KIF11: variants seen among roughly 807,000 people sequenced by gnomAD.
KIF11 encodes kinesin-like protein KIF11.
KIF11 carries 9 observed loss-of-function variants against 121.0 expected under a neutral mutation model. The ratio of observed to expected loss-of-function variants is 0.07; its 90% CI spans 0.04 to 0.13. The LOEUF (loss-of-function observed/expected upper bound fraction) is 0.13, where lower values mean the gene tolerates loss of function less well. Ranked by LOEUF, KIF11 falls within the 10% of genes least tolerant of loss-of-function variation. The pLI is 1.00. For synonymous variants in KIF11, 408 were observed against 421.0 expected (o/e 0.97, Z 0.38); for missense variants, 846 against 1,217.5 (o/e 0.69, Z 4.54).
At chr10:92,595,333 T>G (rs1216961305) in intron 1 of KIF11, among the ~76,000 whole-genome samples, 5 of 152,176 alleles carry the variant, frequency 3.3e-5, no homozygotes, top group Admixed American at 6.5e-5. Flanking sequence ...GTGCTGGGAT[T>G]ATAGGCGTGA....
At chr10:92,619,207 G>A (rs1055099070) in intron 9 of KIF11, among the ~76,000 whole-genome samples, 3 of 151,980 alleles carry the variant, frequency 2.0e-5, no homozygotes, top group Admixed American at 2.0e-4. Flanking sequence ...TAGTAGAGAC[G>A]GGGTTTCACC....
At chr10:92,603,208 A>G (rs1440194038) in intron 1 of KIF11, among the ~76,000 whole-genome samples, 1 of 150,338 alleles carries the variant, frequency 6.7e-6, no homozygotes, top group Non-Finnish European at 1.5e-5. Flanking sequence ...ATAGCAACCA[A>G]CTATCTTCCA....
rs942442345 is a variant in KIF11 at position 92,593,516 on chromosome 10, G to T, written c.77+64G>T. The T allele has an allele frequency of 3.5e-6, 5 of 1,409,590 alleles. No individual in the cohort carries two copies. The African/African-American group carries it at 7.1e-5, about 20-fold the overall frequency. 87.3% of individuals were successfully genotyped at this position (1,409,590 alleles called of 1,614,324 possible). A position where few individuals can be genotyped will look rare whatever the true frequency, so the allele number is the denominator to read the frequency against. On this transcript the variant is annotated intron_variant, in intron 1 of 21. Transcript: ENST00000260731. ...TCGCTGCTGGGCCCCCTACTGCGCG[G>T]TCCAGGGAGAGGGATTTTATTTGCA...
intron 6 of KIF11, among the ~76,000 whole-genome samples, chr10:92,612,092 A>G (rs1294313940): frequency 6.6e-6 from 1 of 151,636 alleles, no homozygotes; most frequent in Admixed American, 6.6e-5. Context: ...TAAAAAGCAC[A>G]GTATTTGTTT....
At chr10:92,643,555 A>ATTTTTT (rs368633432) in intron 17 of KIF11, among the ~76,000 whole-genome samples, 15 of 123,452 alleles carry the variant, frequency 1.2e-4, no homozygotes, top group African/African-American at 4.9e-4. Context: ...TATCTACTAG[A>ATTTTTT]TTTTTTTTTT....
chr10:92,597,173 G>A (rs952867742), intron 1 of KIF11: 1 of 268,982 alleles, frequency 3.7e-6, no homozygotes. Flanking sequence ...GATGCCAAAG[G>A]ATCTGACAAT....
intron 9 of KIF11, among the ~76,000 whole-genome samples, chr10:92,620,150 G>C (rs138413535): frequency 1.4e-5 from 2 of 146,364 alleles, no homozygotes; most frequent in African/African-American, 5.1e-5. Flanking sequence ...GTGCCATCTC[G>C]GCTCACTGCA....
intron 21 of KIF11, among the ~76,000 whole-genome samples, chr10:92,651,337 C>CT (rs201261980): frequency 1.2e-4 from 18 of 145,848 alleles, no homozygotes; most frequent in East Asian, 2.0e-4. Flanking sequence ...CCTCTACCCA[C>CT]TTTTTTTTTT....
chr10:92,645,244 C>T, intron 17 of KIF11, 119 bp from the exon 18 acceptor site: 4 of 676,742 alleles, frequency 5.9e-6, no homozygotes, highest in Non-Finnish European at 4.9e-6. Flanking sequence ...GATCACGGGC[C>T]CTGGAGCCAG....
chr10:92,596,407 A>T (rs1564701110), intron 1 of KIF11, among the ~76,000 whole-genome samples: 1 of 152,238 alleles, frequency 6.6e-6, no homozygotes, highest in East Asian at 1.9e-4. Flanking sequence ...GGATCATATG[A>T]TAATTCTATT....
At chr10:92,634,794 ACT>A (rs1844779857) in intron 14 of KIF11, among the ~76,000 whole-genome samples, 1 of 152,150 alleles carries the variant, frequency 6.6e-6, no homozygotes, top group African/African-American at 2.4e-5. Context: ...TTGGCAAGTC[ACT>A]CTTTCCCCAG....
At chr10:92,594,761 GT>G (rs1844273405) in intron 1 of KIF11, among the ~76,000 whole-genome samples, 1 of 152,000 alleles carries the variant, frequency 6.6e-6, no homozygotes, top group Non-Finnish European at 1.5e-5. Flanking sequence ...TGAACTTGAT[GT>G]TTATGATCCG....
At chr10:92,624,585 A>C (rs1046105750) in intron 10 of KIF11, among the ~76,000 whole-genome samples, 6 of 151,972 alleles carry the variant, frequency 3.9e-5, no homozygotes, top group African/African-American at 1.5e-4. Context: ...GTGTATATGT[A>C]CCACATTTTC....
chr10:92,644,204 G>C (rs1273282208), intron 17 of KIF11, among the ~76,000 whole-genome samples: 2 of 152,156 alleles, frequency 1.3e-5, no homozygotes, highest in Non-Finnish European at 2.9e-5. Context: ...CATCACCCAG[G>C]AATCTAGGTG....
chr10:92,628,981 T>A, intron 11 of KIF11, 86 bp downstream of exon 11: 1 of 791,928 alleles, frequency 1.3e-6, no homozygotes. Context: ...TATTTTTTCC[T>A]TCAAGATTTT....
intron 14 of KIF11, 149 bp downstream of exon 14, chr10:92,633,944 C>CGT: frequency 1.7e-6 from 1 of 575,452 alleles, no homozygotes. Flanking sequence ...GTCATAGACA[C>CGT]GTCACTGTGA....
intron 1 of KIF11, among the ~76,000 whole-genome samples, chr10:92,605,661 T>G (rs1844422499): frequency 6.6e-6 from 1 of 151,996 alleles, no homozygotes; most frequent in African/African-American, 2.4e-5. Context: ...TACTTTTGTA[T>G]TTTTAATAGA....
At position 92,609,058 on chromosome 10, in the gene KIF11, A is replaced by G. The variant is rs754572437; in HGVS notation, c.426A>G (p.Gln142=). The G allele has an allele frequency of 9.4e-6, 15 of 1,594,288 alleles. No homozygotes were observed. The highest frequency in any genetic ancestry group is 4.5e-5 in the South Asian group (4 of 88,916). ...GTATAATTCCACGTACCCTTCATCA[A>G]ATTTTTGAGAAACTTACTGATAATG... The part of the protein sequence containing the change: ...LAGIIPRTLH[Q]IFEKLTDNGT... Residue 142 remains glutamine (Q), a synonymous_variant, in exon 5 of 22, where the codon CAA becomes CAG. Coordinates refer to ENST00000260731, the MANE Select transcript of KIF11 (RefSeq NM_004523.4).
chr10:92,607,044 T>G (rs1006053726), intron 3 of KIF11, 115 bp from the exon 4 acceptor site: 2 of 665,766 alleles, frequency 3.0e-6, no homozygotes, highest in Non-Finnish European at 2.6e-6. Context: ...CCCAAAGTGT[T>G]GGGATTATAG....
Sources: gnomAD v4.1 joint callset for allele counts (sites outside exome capture counted in the v4.1 genomes callset) on GRCh38, gnomAD v4.1.1 for gene constraint, MANE v1.5 for transcripts, NCBI Gene and HGNC (gene_info 2026-07-23, HGNC 2026-07-21) for gene names.